SP4: variants seen among roughly 807,000 people sequenced by gnomAD.
SP4 encodes transcription factor Sp4.
A neutral mutation model predicts 72.8 loss-of-function variants in SP4; 19 were observed. The observed-to-expected ratio is 0.26, with a 90% confidence interval of 0.18 to 0.38. The LOEUF (loss-of-function observed/expected upper bound fraction) is 0.38. Among genes scored for constraint, SP4 ranks in the 10% least tolerant of loss-of-function variants. SP4 has a pLI of 1.00. For missense variants in SP4, 1,008 were observed against 926.3 expected (o/e 1.09, Z -1.14); for synonymous variants, 395 against 333.1 (o/e 1.19, Z -2.02).
intron 5 of SP4, among the ~76,000 whole-genome samples, chr7:21,484,892 ATAT>A (rs1467260510): frequency 6.6e-6 from 1 of 151,866 alleles, no homozygotes; most frequent in East Asian, 1.9e-4. Context: ...TCAAAACCAA[ATAT>A]TATGATTTGG....
At chr7:21,507,510 G>A (rs939629545) in intron 5 of SP4, among the ~76,000 whole-genome samples, 4 of 152,174 alleles carry the variant, frequency 2.6e-5, no homozygotes, top group Admixed American at 2.6e-4. Context: ...TTTTCCCTGG[G>A]TGAGGGATTT....
At chr7:21,504,566 C>T (rs1781947523) in intron 5 of SP4, among the ~76,000 whole-genome samples, 1 of 152,150 alleles carries the variant, frequency 6.6e-6, no homozygotes, top group Non-Finnish European at 1.5e-5. Flanking sequence ...AAGGTTTGGT[C>T]CTACTTTGGT....
chr7:21,489,654 G>A (rs1294855804), intron 5 of SP4, among the ~76,000 whole-genome samples: 2 of 150,374 alleles, frequency 1.3e-5, no homozygotes, highest in African/African-American at 4.9e-5. Context: ...CCGCCTCCTG[G>A]GTTCATGCCA....
Position 21,429,851 on chromosome 7 carries a change from T to A in SP4, c.686T>A (p.Val229Asp). ...GCTCAAAACCTGGCAAATCAGACAG[T>A]TCCGGTCCAAATTAGACCTGGTGTT... Reference protein sequence around the residue: ...ILAQNLANQTVPVQIRPGVSI... With the variant: ...ILAQNLANQTDPVQIRPGVSI... Residue 229 changes from valine (V) to aspartate (D), a missense_variant, in exon 3 of 6, where the codon GTT becomes GAT. Physicochemically the swap from Val to Asp is radical, Grantham distance 152 (BLOSUM62 -3). Coordinates refer to ENST00000222584, the MANE Select transcript of SP4 (RefSeq NM_003112.5). 1.2e-6 allele frequency: 2 copies of A among 1,614,210 alleles called. No individual in the cohort carries two copies. Among genetic ancestry groups the A allele is most frequent in the Non-Finnish European group, 1.7e-6 (2 of 1,180,036 alleles).
intron 5 of SP4, among the ~76,000 whole-genome samples, chr7:21,489,704 C>T (rs956406949): frequency 5.5e-4 from 83 of 151,746 alleles, no homozygotes; most frequent in African/African-American, 1.5e-3. Flanking sequence ...GGACTACAGG[C>T]GCCCGCCACC....
chr7:21,467,624 A>G (rs1279444155), intron 3 of SP4, among the ~76,000 whole-genome samples: 1 of 152,128 alleles, frequency 6.6e-6, no homozygotes, highest in East Asian at 1.9e-4. Flanking sequence ...ACCAAATCCT[A>G]TTTTAGAGTG....
At chr7:21,451,347 C>T (rs1055117659) in intron 3 of SP4, among the ~76,000 whole-genome samples, 2 of 152,148 alleles carry the variant, frequency 1.3e-5, no homozygotes, top group African/African-American at 4.8e-5. Flanking sequence ...ATTAGAGCGA[C>T]AGTTTAACAA....
chr7:21,432,128 A>T (rs1782879637), intron 3 of SP4, among the ~76,000 whole-genome samples: 1 of 152,238 alleles, frequency 6.6e-6, no homozygotes, highest in Admixed American at 6.5e-5. Flanking sequence ...GTGTGGGGCA[A>T]CTGAGGAACT....
chr7:21,464,156 G>C (rs965830785), intron 3 of SP4, among the ~76,000 whole-genome samples: 5 of 132,304 alleles, frequency 3.8e-5, no homozygotes, highest in Non-Finnish European at 7.8e-5. Flanking sequence ...ATGGAGTCTA[G>C]TTCTGTCACC....
chr7:21,466,198 A>G (rs540304975), intron 3 of SP4, among the ~76,000 whole-genome samples: 162 of 152,134 alleles, frequency 1.1e-3, no homozygotes, highest in African/African-American at 3.5e-3. Context: ...GTCAGATCTT[A>G]TTTATCATTT....
intron 3 of SP4, among the ~76,000 whole-genome samples, chr7:21,445,096 A>G (rs954510302): frequency 1.3e-5 from 2 of 152,178 alleles, no homozygotes; most frequent in Non-Finnish European, 2.9e-5. Context: ...TGTATCACAA[A>G]CTAATTTTGA....
intron 3 of SP4, among the ~76,000 whole-genome samples, chr7:21,456,366 C>G (rs766531162): frequency 1.1e-4 from 16 of 152,184 alleles, no homozygotes; most frequent in African/African-American, 2.4e-5. Flanking sequence ...TCATAAGGAG[C>G]TCGCAGAGCC....
At chr7:21,446,775 C>T (rs1783439260) in intron 3 of SP4, among the ~76,000 whole-genome samples, 1 of 151,432 alleles carries the variant, frequency 6.6e-6, no homozygotes, top group African/African-American at 2.4e-5. Context: ...TCTTTTTAAA[C>T]TGTGAATGGA....
intron 4 of SP4, among the ~76,000 whole-genome samples, chr7:21,479,549 T>A (rs893025147): frequency 1.8e-4 from 27 of 152,364 alleles, no homozygotes; most frequent in Non-Finnish European, 1.2e-4. Context: ...TAATAACTTT[T>A]GAAATCGAGA....
intron 3 of SP4, among the ~76,000 whole-genome samples, chr7:21,447,480 A>G (rs572672593): frequency 3.3e-5 from 5 of 152,306 alleles, no homozygotes; most frequent in Non-Finnish European, 5.9e-5. Context: ...TTCAGTTTCA[A>G]AGGAGACAAC....
intron 3 of SP4, among the ~76,000 whole-genome samples, chr7:21,475,620 C>T (rs769519085): frequency 9.9e-5 from 15 of 152,054 alleles, no homozygotes; most frequent in Non-Finnish European, 2.1e-4. Flanking sequence ...CCCGCCACCA[C>T]GCCCGGCTAA....
At chr7:21,478,385 C>T (rs1041601475) in intron 4 of SP4, among the ~76,000 whole-genome samples, 1 of 152,138 alleles carries the variant, frequency 6.6e-6, no homozygotes, top group African/African-American at 2.4e-5. Context: ...TATGAAATTA[C>T]CTAGAAATGG....
At chr7:21,489,306 C>T (rs991081065) in intron 5 of SP4, among the ~76,000 whole-genome samples, 12 of 151,986 alleles carry the variant, frequency 7.9e-5, no homozygotes, top group Non-Finnish European at 1.5e-4. Flanking sequence ...CCATCAATTT[C>T]GTTGAAGTTT....
At chr7:21,499,224 C>T (rs532064788) in intron 5 of SP4, among the ~76,000 whole-genome samples, 2 of 152,146 alleles carry the variant, frequency 1.3e-5, no homozygotes, top group South Asian at 2.1e-4. Flanking sequence ...GAGAAAGGAT[C>T]GGTCTTACGG....
Sources: allele counts gnomAD v4.1 joint callset (sites outside exome capture counted in the v4.1 genomes callset), GRCh38; gene constraint gnomAD v4.1.1; transcripts MANE v1.5; gene names NCBI Gene and HGNC (gene_info 2026-07-23, HGNC 2026-07-21).